The following SPATA21 variants were observed in gnomAD, a reference collection of about 807,000 sequenced individuals.
SPATA21 encodes spermatogenesis-associated protein 21.
SPATA21 carries 47 observed loss-of-function variants against 54.8 expected under a neutral mutation model. The ratio of observed to expected loss-of-function variants is 0.86; its 90% CI spans 0.68 to 1.09. The LOEUF is 1.09. SPATA21 is among the 50% of genes least tolerant of loss of function. The probability of loss-of-function intolerance (pLI) is 0.00; values close to 1 mark genes in which losing one functional copy is unlikely to be tolerated. For synonymous variants in SPATA21, 245 were observed against 235.3 expected (o/e 1.04, Z -0.38); for missense variants, 599 against 596.4 (o/e 1.00, Z -0.05).
rs747234353 is a variant in SPATA21 at position 16,398,856 on chromosome 1, C to T, written c.1353-34G>A. The T allele has an allele frequency of 6.3e-6, 10 of 1,599,462 alleles. No homozygotes were observed. The Admixed American group carries it at 1.7e-4, about 28-fold the overall frequency. ...AGGAGTAGGGCAGAAGGGTGGGAGA[C>T]ATGTGGCCCTTTCCCTATCTGCCAG... On this transcript the variant is annotated intron_variant, in intron 12 of 12. Transcript: ENST00000335496.
chr1:16,400,471 A>G (rs2085409891), intron 11 of SPATA21: 3 of 1,243,590 alleles, frequency 2.4e-6, no homozygotes, highest in Non-Finnish European at 3.0e-6. Context: ...GTCCTGGCTC[A>G]TGGGACCAAC....
chr1:16,416,568 C>G (rs1330166726), intron 5 of SPATA21, among the ~76,000 whole-genome samples: 2 of 151,696 alleles, frequency 1.3e-5, no homozygotes, highest in African/African-American at 2.4e-5. Flanking sequence ...ATCTCAGCTA[C>G]TTGGGAGGCT....
chr1:16,406,480 C>T (rs925465485), intron 7 of SPATA21, among the ~76,000 whole-genome samples: 1 of 152,166 alleles, frequency 6.6e-6, no homozygotes, highest in Non-Finnish European at 1.5e-5. Context: ...CGATGGCTTA[C>T]ACCATCTACC....
In SPATA21 at chr1:16,403,590, G is replaced by T. The variant is rs2085526366; in HGVS notation, c.1001+137C>A. ...TGCAACCTCCACCTCCTGGGTTCAA[G>T]CGATTCTCGTGCCTCAGCCTCCAGT... is the stretch of plus-strand genomic sequence containing the variant. On this transcript the variant is annotated intron_variant, in intron 10 of 12. Transcript: ENST00000335496. 8.3e-6 allele frequency: 6 copies of T among 726,712 alleles called. No homozygotes were observed. The South Asian group carries it at 9.2e-5, about 11-fold the overall frequency. The allele number at this position is 726,712 out of a possible 1,614,324, so 45.0% of individuals were successfully genotyped here.
Position 16,409,873 on chromosome 1 carries a change from G to T in SPATA21, c.315C>A (p.Ala105=). ...MEASHRRASK[A]RSQTAQKSPR... is the part of the protein sequence containing the mutation. ...GCGACTTCTGGGCTGTCTGGGACCG[G>T]GCCTTCGAGGCTCTCCGATGGGAGG... The change falls in exon 6 of 13, where the codon GCC becomes GCA. Residue 105 remains alanine (A), a synonymous_variant. Coordinates refer to ENST00000335496, the MANE Select transcript of SPATA21 (RefSeq NM_198546.1). The surrounding 1 kb of genome is among the most constrained non-coding windows in gnomAD (Gnocchi z 4.1). 4 of 1,611,798 alleles carry T rather than the reference G, an allele frequency of 2.5e-6. No homozygotes were observed. Among genetic ancestry groups the T allele is most frequent in the Non-Finnish European group, 3.4e-6 (4 of 1,178,936 alleles).
At chr1:16,422,217 G>A (rs118088923) in intron 3 of SPATA21, 9 of 1,416,412 alleles carry the variant, frequency 6.4e-6, no homozygotes, top group South Asian at 6.1e-5. Flanking sequence ...AGGACACCAC[G>A]GCTGGGGAGC....
At chr1:16,431,301 C>T in intron 3 of SPATA21, 37 bp downstream of exon 3, 1 of 1,614,158 alleles carries the variant, frequency 6.2e-7, no homozygotes, top group Non-Finnish European at 8.5e-7. Context: ...GATCCTCAGG[C>T]CAGGACTTGG....
chr1:16,410,414 CTT>C (rs1169721957), intron 5 of SPATA21, among the ~76,000 whole-genome samples: 2 of 139,098 alleles, frequency 1.4e-5, no homozygotes, highest in Non-Finnish European at 3.2e-5. Context: ...CCCAGCTAAT[CTT>C]TTTTTTTTTT....
Position 16,400,888 on chromosome 1 carries a change from A to G in SPATA21, c.1006T>C (p.Tyr336His). The G allele has an allele frequency of 6.2e-7, 1 of 1,612,334 alleles. No homozygotes were observed. ...GTGCCTTCCTTCAGCTTTTTCTGGTAGTAGCTGGGGAGGCAGTGCCCACCC... is the reference window on the plus strand; with the variant it reads ...GTGCCTTCCTTCAGCTTTTTCTGGTGGTAGCTGGGGAGGCAGTGCCCACCC... Reference protein sequence around the residue: ...EAVLEEITNYYQKKLKEGTCK... With the variant: ...EAVLEEITNYHQKKLKEGTCK... The change falls in exon 11 of 13, where the codon TAC becomes CAC. Residue 336 changes from tyrosine to histidine, a missense_variant. Coordinates refer to ENST00000335496, the MANE Select transcript of SPATA21 (RefSeq NM_198546.1).
In SPATA21 at chr1:16,406,205, C is replaced by T. The variant is rs548326457; in HGVS notation, c.674-1101G>A. Among the ~76,000 whole-genome samples the T allele has an allele frequency of 1.1e-4, 16 of 152,162 alleles. 1 individual carries two copies. The Middle Eastern group carries it at 0.017, about 162-fold the overall frequency. ...TGCAATCTTGGCACACTGCAACCTC[C>T]GCCTCCCGGGTTCATGTGATTCTCC... is the stretch of plus-strand genomic sequence containing the variant. On this transcript the variant is annotated intron_variant, in intron 7 of 12. Transcript: ENST00000335496.
At chr1:16,426,148 G>C (rs79047858) in intron 3 of SPATA21, among the ~76,000 whole-genome samples, 3,681 of 152,174 alleles carry the variant, frequency 0.024, 163 homozygotes, top group African/African-American at 0.083. Flanking sequence ...TGAGCCTAAG[G>C]TCATAAAGCT....
intron 3 of SPATA21, among the ~76,000 whole-genome samples, chr1:16,426,580 T>TATATATATA (rs1553166390): frequency 6.9e-3 from 539 of 77,758 alleles, no homozygotes; most frequent in East Asian, 0.018. Flanking sequence ...TATATATATA[T>TATATATATA]TTTTTTTTTT....
chr1:16,421,433 G>T lies in SPATA21; in HGVS notation c.144+76C>A. 7.1e-7 allele frequency: 1 copy of T among 1,408,820 alleles called. No individual in the cohort carries two copies. Among genetic ancestry groups the T allele is most frequent in the Non-Finnish European group, 9.7e-7 (1 of 1,036,034 alleles). 87.3% of individuals were successfully genotyped at this position (1,408,820 alleles called of 1,614,324 possible). A position where few individuals can be genotyped will look rare whatever the true frequency, so the allele number is the denominator to read the frequency against. On this transcript the variant is annotated intron_variant, in intron 5 of 12. Transcript: ENST00000335496. The surrounding 1 kb of genome is among the most constrained non-coding windows in gnomAD (Gnocchi z 5.2). Reference sequence around the variant, plus strand: ...GGTTTGACGTGCCACATCCGCTTCTGCCCTCTTCCTCCTCCTGATCCCCCC... The same window carrying T: ...GGTTTGACGTGCCACATCCGCTTCTTCCCTCTTCCTCCTCCTGATCCCCCC...
In SPATA21 at chr1:16,421,442, C is replaced by A; in HGVS notation, c.144+67G>T. The A allele has an allele frequency of 6.8e-7, 1 of 1,473,154 alleles. No individual in the cohort carries two copies. Among genetic ancestry groups the A allele is most frequent in the Non-Finnish European group, 9.2e-7 (1 of 1,087,994 alleles). The allele number at this position is 1,473,154 out of a possible 1,614,324, so 91.3% of individuals were successfully genotyped here. A position where few individuals can be genotyped will look rare whatever the true frequency, so the allele number is the denominator to read the frequency against. On this transcript the variant is annotated intron_variant, in intron 5 of 12. Coordinates refer to ENST00000335496, the MANE Select transcript of SPATA21 (RefSeq NM_198546.1). This position sits in a 1 kb window ranked among gnomAD's most constrained non-coding sequence, Gnocchi z 5.2. ...TGCCACATCCGCTTCTGCCCTCTTC[C>A]TCCTCCTGATCCCCCCTGCCTTTCT...
intron 5 of SPATA21, 85 bp from the exon 6 acceptor site, chr1:16,410,128 A>T (rs895947700): frequency 2.8e-5 from 32 of 1,126,242 alleles, no homozygotes; most frequent in Non-Finnish European, 3.8e-5. Context: ...CTCTCCAGAG[A>T]TCCTCAGACT....
chr1:16,399,207 A>T, intron 12 of SPATA21, 137 bp downstream of exon 12: 1 of 1,020,608 alleles, frequency 9.8e-7, no homozygotes, highest in Non-Finnish European at 1.4e-6. Flanking sequence ...TTCGCCTTTT[A>T]CCCTTTCTCC....
intron 3 of SPATA21, among the ~76,000 whole-genome samples, chr1:16,427,035 G>A (rs866568123): frequency 2.0e-5 from 3 of 152,002 alleles, no homozygotes; most frequent in African/African-American, 2.4e-5. Flanking sequence ...TTGTGTGGGC[G>A]CTTAAGGGGT....
intron 5 of SPATA21, among the ~76,000 whole-genome samples, chr1:16,414,185 C>A (rs1209399026): frequency 1.3e-5 from 2 of 152,000 alleles, no homozygotes; most frequent in Non-Finnish European, 2.9e-5. Flanking sequence ...CGTGCCTCAG[C>A]CTCCCGAGTA....
intron 3 of SPATA21, 60 bp from the exon 4 acceptor site, chr1:16,422,031 G>A (rs776272071): frequency 5.5e-5 from 89 of 1,613,496 alleles, no homozygotes; most frequent in Non-Finnish European, 7.3e-5. Context: ...ATGTCCCCCT[G>A]GGCTGGGCTC....
Sources: gnomAD v4.1 joint callset for allele counts (sites outside exome capture counted in the v4.1 genomes callset) on GRCh38, gnomAD v4.1.1 for gene constraint, Gnocchi (gnomAD v3.1) non-coding constraint, MANE v1.5 for transcripts, NCBI Gene and HGNC (gene_info 2026-07-23, HGNC 2026-07-21) for gene names.